Variants in RIN2 observed in about 807,000 individuals in gnomAD.
RIN2 encodes the protein Ras and Rab interactor 2.
A neutral mutation model predicts 78.0 loss-of-function variants in RIN2; 36 were observed. That is an observed-to-expected ratio of 0.46 (90% confidence interval 0.35 to 0.61). The LOEUF is 0.61. RIN2 is among the 20% of genes least tolerant of loss of function. The pLI is 0.00. For missense variants in RIN2, 1,087 were observed against 1,159.7 expected, an observed-to-expected ratio of 0.94 and a Z score of 0.91; for synonymous variants, 466 against 466.8, an observed-to-expected ratio of 1.00 and a Z score of 0.02.
intron 2 of RIN2, among the ~76,000 whole-genome samples, chr20:19,829,622 G>A (rs1229623855): frequency 6.6e-6 from 1 of 152,150 alleles, no homozygotes; most frequent in African/African-American, 2.4e-5. Flanking sequence ...CTAGAGAATC[G>A]CCTCTAGCTG....
intron 2 of RIN2, among the ~76,000 whole-genome samples, chr20:19,835,349 A>G (rs1568797160): frequency 1.3e-5 from 2 of 152,196 alleles, no homozygotes; most frequent in African/African-American, 4.8e-5. Flanking sequence ...ATGTATATAA[A>G]TCTTCTTTAT....
Position 19,984,974 on chromosome 20 carries a change from C to T in RIN2, c.1763-5032C>T, listed in dbSNP as rs529789007. On this transcript the variant is annotated intron_variant, in intron 9 of 12. Transcript: ENST00000255006. ...CAGACTGCTGGCTCTGTCTTGCCTT[C>T]TGTGGACAATGATTCTGATGGCTGT... 2.3e-3 allele frequency among the ~76,000 whole-genome samples: 350 copies of T among 152,328 alleles called. 2 individuals are homozygous for T. Among genetic ancestry groups the T allele is most frequent in the Non-Finnish European group, 4.5e-3 (306 of 68,026 alleles).
chr20:19,856,845 C>G (rs2037186331), intron 2 of RIN2, among the ~76,000 whole-genome samples: 1 of 152,068 alleles, frequency 6.6e-6, no homozygotes, highest in South Asian at 2.1e-4. Context: ...GAACTGATTC[C>G]AAATCTTGCA....
At chr20:19,866,410 A>G (rs1373331502) in intron 2 of RIN2, among the ~76,000 whole-genome samples, 1 of 152,106 alleles carries the variant, frequency 6.6e-6, no homozygotes, top group Non-Finnish European at 1.5e-5. Context: ...AATTCTTGTA[A>G]CCTCTGAAAA....
chr20:19,905,520 C>T (rs1039512122), intron 3 of RIN2, among the ~76,000 whole-genome samples: 7 of 152,026 alleles, frequency 4.6e-5, no homozygotes, highest in Non-Finnish European at 5.9e-5. Flanking sequence ...GCCAGGAGTT[C>T]GAGACCAGCC....
At chr20:19,757,976 C>T (rs1221104812), upstream of RIN2, 2 of 152,354 alleles carry the variant, frequency 1.3e-5, no homozygotes, top group African/African-American at 4.8e-5. Flanking sequence ...GGGGCGGAGG[C>T]TGGCGGTTAC....
Position 20,001,035 on chromosome 20 carries a change from G to A in RIN2, c.*99G>A, listed in dbSNP as rs1402423963. ...GAGCTTGAAAAGCAGTCACCTCCTC[G>A]GGGACCCCTCAGTGTAGTGACTAAG... On this transcript the variant is annotated 3_prime_UTR_variant, in exon 13 of 13. Coordinates refer to ENST00000255006, the MANE Select transcript of RIN2 (RefSeq NM_018993.4). The A allele has an allele frequency of 5.8e-5, 69 of 1,189,714 alleles. No homozygotes were observed. The highest frequency in any genetic ancestry group is 1.5e-5 in the African/African-American group (1 of 65,644). 73.7% of individuals were successfully genotyped at this position (1,189,714 alleles called of 1,614,324 possible).
At chr20:19,983,621 C>G (rs2042531567) in intron 9 of RIN2, among the ~76,000 whole-genome samples, 1 of 152,026 alleles carries the variant, frequency 6.6e-6, no homozygotes, top group African/African-American at 2.4e-5. Context: ...AATCAGAATG[C>G]TAGAACTAAA....
chr20:19,904,680 T>C (rs2039140784), intron 3 of RIN2, among the ~76,000 whole-genome samples: 1 of 152,192 alleles, frequency 6.6e-6, no homozygotes, highest in Non-Finnish European at 1.5e-5. Flanking sequence ...ATGCCAGTCA[T>C]GCCAGCCAGG....
chr20:19,889,767 C>T (rs1189803149), intron 3 of RIN2, 109 bp downstream of exon 3: 2 of 863,658 alleles, frequency 2.3e-6, no homozygotes, highest in Non-Finnish European at 3.4e-6. Flanking sequence ...TGAGCCAGCA[C>T]CGGCTAAGGG....
At chr20:19,945,443 C>T (rs780069270) in intron 4 of RIN2, among the ~76,000 whole-genome samples, 2 of 152,202 alleles carry the variant, frequency 1.3e-5, no homozygotes, top group Non-Finnish European at 2.9e-5. Context: ...TCATGCACTG[C>T]ACCTGCCTTT....
At chr20:19,847,271 G>C (rs1402778782) in intron 2 of RIN2, among the ~76,000 whole-genome samples, 1 of 152,074 alleles carries the variant, frequency 6.6e-6, no homozygotes, top group Non-Finnish European at 1.5e-5. Flanking sequence ...AAGTCCAAAG[G>C]GTTTTGATGC....
At chr20:19,858,124 T>TA (rs112520164) in intron 2 of RIN2, among the ~76,000 whole-genome samples, 24,734 of 127,924 alleles carry the variant, frequency 0.19, 4,787 homozygotes, top group African/African-American at 0.48. Context: ...CTGTCTTTTT[T>TA]TAAAAAAAAA....
At chr20:19,901,490 T>C (rs2038980176) in intron 3 of RIN2, among the ~76,000 whole-genome samples, 1 of 152,124 alleles carries the variant, frequency 6.6e-6, no homozygotes, top group East Asian at 1.9e-4. Flanking sequence ...GCACAATCAG[T>C]GTGCTACGAT....
intron 4 of RIN2, among the ~76,000 whole-genome samples, chr20:19,949,966 C>A (rs192142461): frequency 2.0e-5 from 3 of 152,180 alleles, no homozygotes; most frequent in African/African-American, 7.2e-5. Flanking sequence ...ATCACTTACT[C>A]TCCCACCTGC....
intron 3 of RIN2, among the ~76,000 whole-genome samples, chr20:19,919,181 T>C (rs2123783564): frequency 6.6e-6 from 1 of 152,324 alleles, no homozygotes; most frequent in African/African-American, 2.4e-5. Flanking sequence ...CCCGGTTATA[T>C]CCAGAGAGGG....
At chr20:19,906,863 C>A (rs554485486) in intron 3 of RIN2, among the ~76,000 whole-genome samples, 3 of 152,304 alleles carry the variant, frequency 2.0e-5, no homozygotes, top group South Asian at 4.1e-4. Context: ...TGGAGTATGA[C>A]CTCTGATATG....
At chr20:19,818,152 A>G (rs1444567362) in intron 2 of RIN2, among the ~76,000 whole-genome samples, 1 of 152,104 alleles carries the variant, frequency 6.6e-6, no homozygotes, top group Non-Finnish European at 1.5e-5. Context: ...TAAGTACTAA[A>G]CATATTTAAC....
At chr20:19,976,454 TTAAAA>T (rs1275033372) in intron 9 of RIN2, among the ~76,000 whole-genome samples, 2 of 152,188 alleles carry the variant, frequency 1.3e-5, no homozygotes, top group Admixed American at 1.3e-4. Flanking sequence ...TTGTGTAACT[TTAAAA>T]TAAGTAACAT....
Sources: allele counts gnomAD v4.1 joint callset (sites outside exome capture counted in the v4.1 genomes callset), GRCh38; gene constraint gnomAD v4.1.1; transcripts MANE v1.5; gene names NCBI Gene and HGNC (gene_info 2026-07-23, HGNC 2026-07-21).